Variants in MIPEP observed in about 807,000 individuals in gnomAD.
MIPEP encodes the protein mitochondrial intermediate peptidase.
MIPEP carries 79 observed loss-of-function variants against 90.3 expected under a neutral mutation model. That is an observed-to-expected ratio of 0.87 (90% CI 0.73 to 1.05). The LOEUF is 1.05. Among genes scored for constraint, MIPEP ranks in the 50% least tolerant of loss-of-function variants. The pLI, the probability that MIPEP is intolerant of heterozygous loss-of-function variation, is 0.00. For synonymous variants in MIPEP, 334 were observed against 315.8 expected (o/e 1.06, Z -0.61); for missense variants, 940 against 905.6 (o/e 1.04, Z -0.49).
At chr13:23,853,132 GTTAA>G (rs1869880004) in intron 10 of MIPEP, among the ~76,000 whole-genome samples, 1 of 152,124 alleles carries the variant, frequency 6.6e-6, no homozygotes, top group Admixed American at 6.5e-5. Flanking sequence ...GGAAGCAAAA[GTTAA>G]TTTATTATTG....
At chr13:23,834,151 C>G (rs569994568) in intron 14 of MIPEP, among the ~76,000 whole-genome samples, 1 of 152,150 alleles carries the variant, frequency 6.6e-6, no homozygotes, top group Admixed American at 6.5e-5. Context: ...AGGGGCCGAG[C>G]CCCCGGAGCC....
chr13:23,843,806 T>C (rs867804812), intron 10 of MIPEP, among the ~76,000 whole-genome samples: 58 of 152,284 alleles, frequency 3.8e-4, no homozygotes, highest in Middle Eastern at 6.8e-3. Flanking sequence ...GATGCAAACG[T>C]CTCAGGACTG....
At chr13:23,858,961 G>A (rs1375461444) in intron 9 of MIPEP, 49 bp from the exon 10 acceptor site, 3 of 1,513,668 alleles carry the variant, frequency 2.0e-6, no homozygotes, top group Non-Finnish European at 2.8e-6. Context: ...CTCTTTCATA[G>A]TTTTTATCAG....
Position 23,748,843 on chromosome 13 carries a change from C to T in MIPEP, c.2044+7702G>A, listed in dbSNP as rs116368385. ...CTCCACATACCTGGAGGCACAGATG[C>T]TGCTGGCTCAGTCAGGCAGAACCTG... On this transcript the variant is annotated intron_variant, in intron 18 of 18. Transcript: ENST00000382172. Among the ~76,000 whole-genome samples, 547 of 152,330 alleles carry T rather than the reference C, an allele frequency of 3.6e-3. 2 individuals are homozygous for T. The highest frequency in any genetic ancestry group is 0.013 in the African/African-American group (532 of 41,568).
rs368176573 is a variant in MIPEP, at chr13:23,881,668, G to A, written c.452+31C>T. The A allele has an allele frequency of 2.9e-5, 45 of 1,554,860 alleles. 1 individual carries two copies. The African/African-American group carries it at 6.0e-4, about 21-fold the overall frequency. On this transcript the variant is annotated intron_variant, in intron 3 of 18. Coordinates refer to ENST00000382172, the MANE Select transcript of MIPEP (RefSeq NM_005932.4). ...ATGAAACCGGATCACCCAGGACTTGGCATGGAGGTGGGGAGGGGAACAGCA... is the reference window on the plus strand; with the variant it reads ...ATGAAACCGGATCACCCAGGACTTGACATGGAGGTGGGGAGGGGAACAGCA...
chr13:23,733,557 A>G (rs1952227856), intron 18 of MIPEP, among the ~76,000 whole-genome samples: 1 of 152,196 alleles, frequency 6.6e-6, no homozygotes, highest in South Asian at 2.1e-4. Context: ...GTGAGGACAC[A>G]GAGCTCAGGG....
chr13:23,830,010 T>C (rs903138634), intron 14 of MIPEP, among the ~76,000 whole-genome samples: 3 of 152,196 alleles, frequency 2.0e-5, no homozygotes, highest in Non-Finnish European at 2.9e-5. Context: ...GAGTATAAAT[T>C]AGCAGAAACA....
At chr13:23,747,759 G>C (rs1052308192) in intron 18 of MIPEP, among the ~76,000 whole-genome samples, 36 of 152,268 alleles carry the variant, frequency 2.4e-4, no homozygotes, top group Non-Finnish European at 4.9e-4. Context: ...TGTTGTTGTT[G>C]AGACGGGGTC....
At chr13:23,772,417 T>C (rs1256598995) in intron 16 of MIPEP, among the ~76,000 whole-genome samples, 1 of 152,084 alleles carries the variant, frequency 6.6e-6, no homozygotes, top group Non-Finnish European at 1.5e-5. Flanking sequence ...AAAAAACATA[T>C]TAGATAAAAA....
rs375626199 is a variant in MIPEP, at chr13:23,779,455, T to G, written c.1849-19238A>C. Reference sequence around the variant, plus strand: ...ACAAAAAACCATAAAACAAATACATTTAAAAAGGTGTATGGGGGGGGCAGT... The same window carrying G: ...ACAAAAAACCATAAAACAAATACATGTAAAAAGGTGTATGGGGGGGGCAGT... On this transcript the variant is annotated intron_variant, in intron 16 of 18. Transcript: ENST00000382172. Among the ~76,000 whole-genome samples, 35 of 151,814 alleles carry G rather than the reference T, an allele frequency of 2.3e-4. No homozygotes were observed. The South Asian group carries it at 6.7e-3, about 29-fold the overall frequency.
chr13:23,798,238 T>C (rs955883332), intron 16 of MIPEP, among the ~76,000 whole-genome samples: 3 of 152,234 alleles, frequency 2.0e-5, no homozygotes, highest in African/African-American at 7.2e-5. Flanking sequence ...CTCTTTGGAG[T>C]GTCTGACTAA....
intron 15 of MIPEP, among the ~76,000 whole-genome samples, chr13:23,809,023 G>A (rs1953142764): frequency 2.6e-5 from 4 of 152,200 alleles, no homozygotes; most frequent in Admixed American, 2.6e-4. Context: ...CTGAAGAGGA[G>A]TGAGAATTCC....
At chr13:23,785,382 C>T (rs757340220) in intron 16 of MIPEP, among the ~76,000 whole-genome samples, 1 of 150,862 alleles carries the variant, frequency 6.6e-6, no homozygotes, top group Non-Finnish European at 1.5e-5. Flanking sequence ...AGAAAACTAT[C>T]GCAAGAACAA....
chr13:23,820,637 A>C (rs1953295685), intron 14 of MIPEP, among the ~76,000 whole-genome samples: 1 of 152,208 alleles, frequency 6.6e-6, no homozygotes, highest in African/African-American at 2.4e-5. Context: ...CACCCACTTT[A>C]TTAGAAAGCT....
intron 16 of MIPEP, among the ~76,000 whole-genome samples, chr13:23,800,556 T>C (rs765307443): frequency 6.6e-6 from 1 of 152,156 alleles, no homozygotes; most frequent in African/African-American, 2.4e-5. Context: ...ATCAAACTAC[T>C]GTTAGATGGA....
intron 18 of MIPEP, among the ~76,000 whole-genome samples, chr13:23,747,882 C>T (rs112283062): frequency 2.0e-4 from 31 of 152,098 alleles, no homozygotes; most frequent in African/African-American, 4.6e-4. Flanking sequence ...CTGGGACTAC[C>T]GGCGTATGCC....
intron 10 of MIPEP, among the ~76,000 whole-genome samples, chr13:23,849,560 T>C (rs1184948002): frequency 6.6e-6 from 1 of 152,252 alleles, no homozygotes; most frequent in Non-Finnish European, 1.5e-5. Flanking sequence ...TTCTGGTTTA[T>C]AATACGTTAC....
chr13:23,831,615 A>G (rs1439127549), intron 14 of MIPEP, among the ~76,000 whole-genome samples: 4 of 152,136 alleles, frequency 2.6e-5, no homozygotes, highest in African/African-American at 9.7e-5. Flanking sequence ...AGAGCAAAAT[A>G]CAAGAGGCAA....
intron 16 of MIPEP, among the ~76,000 whole-genome samples, chr13:23,761,648 A>ACGG (rs1952545521): frequency 6.6e-6 from 1 of 152,214 alleles, no homozygotes; most frequent in South Asian, 2.1e-4. Flanking sequence ...CTATGCAAGC[A>ACGG]CGGCACACGA....
Sources: gnomAD v4.1 joint callset for allele counts (sites outside exome capture counted in the v4.1 genomes callset) on GRCh38, gnomAD v4.1.1 for gene constraint, MANE v1.5 for transcripts, NCBI Gene and HGNC (gene_info 2026-07-23, HGNC 2026-07-21) for gene names.